Variants in NR3C2 observed in about 807,000 individuals in gnomAD.
NR3C2 encodes mineralocorticoid receptor.
A neutral mutation model predicts 86.4 loss-of-function variants in NR3C2; 15 were observed. The observed-to-expected ratio is 0.17, with a 90% confidence interval of 0.12 to 0.27. The LOEUF (loss-of-function observed/expected upper bound fraction) is 0.27. Among genes scored for constraint, NR3C2 ranks in the 10% least tolerant of loss-of-function variants. NR3C2 has a pLI of 1.00. For missense variants in NR3C2, 960 were observed against 1,195.6 expected (o/e 0.80, Z 2.91); for synonymous variants, 458 against 450.5 (o/e 1.02, Z -0.21).
intron 3 of NR3C2, among the ~76,000 whole-genome samples, chr4:148,238,452 T>C (rs1738851494): frequency 6.6e-6 from 1 of 151,990 alleles, no homozygotes; most frequent in Admixed American, 6.6e-5. Context: ...CTATCAAAAG[T>C]ACAAGAACAA....
chr4:148,309,355 G>T (rs550387432), intron 2 of NR3C2, among the ~76,000 whole-genome samples: 5 of 152,204 alleles, frequency 3.3e-5, no homozygotes, highest in African/African-American at 1.2e-4. Context: ...ACACAATTTT[G>T]CCCTTAAATA....
At chr4:148,185,176 A>G (rs1735835619) in intron 4 of NR3C2, among the ~76,000 whole-genome samples, 1 of 152,246 alleles carries the variant, frequency 6.6e-6, no homozygotes, top group South Asian at 2.1e-4. Flanking sequence ...TATGCTGATC[A>G]ATGCAATGTG....
intron 2 of NR3C2, among the ~76,000 whole-genome samples, chr4:148,428,347 G>A (rs1749648602): frequency 6.6e-6 from 1 of 152,172 alleles, no homozygotes; most frequent in Non-Finnish European, 1.5e-5. Context: ...CCAATGGAAA[G>A]ACTTTCTACC....
intron 4 of NR3C2, among the ~76,000 whole-genome samples, chr4:148,181,833 G>A (rs1244695347): frequency 6.6e-6 from 1 of 152,220 alleles, no homozygotes; most frequent in African/African-American, 2.4e-5. Flanking sequence ...AAAAAGAATA[G>A]TACTAGTGGC....
chr4:148,175,705 TTA>T (rs2149787470), intron 4 of NR3C2, among the ~76,000 whole-genome samples: 1 of 152,328 alleles, frequency 6.6e-6, no homozygotes, highest in South Asian at 2.1e-4. Flanking sequence ...GTAGTATATT[TTA>T]TGCCTTCCTA....
intron 3 of NR3C2, among the ~76,000 whole-genome samples, chr4:148,237,967 C>T (rs3846313): frequency 0.13 from 19,202 of 152,056 alleles, 1,471 homozygotes; most frequent in Middle Eastern, 0.24. Context: ...TTCTGATGAA[C>T]CCAAATGAGA....
At chr4:148,262,920 T>A (rs1237288406) in intron 2 of NR3C2, among the ~76,000 whole-genome samples, 1 of 152,106 alleles carries the variant, frequency 6.6e-6, no homozygotes, top group Non-Finnish European at 1.5e-5. Flanking sequence ...TTCTGATCAA[T>A]CTCCAAACAC....
intron 5 of NR3C2, among the ~76,000 whole-genome samples, chr4:148,153,078 T>G (rs111879379): frequency 1.3e-5 from 2 of 152,360 alleles, no homozygotes; most frequent in African/African-American, 4.8e-5. Flanking sequence ...TGGTGCCTCC[T>G]ATGGTCCAGG....
chr4:148,134,943 C>A (rs1269140959), intron 6 of NR3C2, among the ~76,000 whole-genome samples: 1 of 151,918 alleles, frequency 6.6e-6, no homozygotes, highest in Non-Finnish European at 1.5e-5. Context: ...CAGGCGTGAG[C>A]CACCATGCTC....
chr4:148,270,379 T>A (rs1740620460), intron 2 of NR3C2, among the ~76,000 whole-genome samples: 1 of 152,156 alleles, frequency 6.6e-6, no homozygotes, highest in African/African-American at 2.4e-5. Context: ...TTACACTAAG[T>A]TTTTCACAAA....
At chr4:148,426,491 G>A (rs1416393137) in intron 2 of NR3C2, among the ~76,000 whole-genome samples, 1 of 152,238 alleles carries the variant, frequency 6.6e-6, no homozygotes, top group African/African-American at 2.4e-5. Context: ...CATGCCCATA[G>A]TGGGTCAGAT....
At chr4:148,269,360 C>T (rs373107007) in intron 2 of NR3C2, among the ~76,000 whole-genome samples, 1 of 152,056 alleles carries the variant, frequency 6.6e-6, no homozygotes, top group Non-Finnish European at 1.5e-5. Flanking sequence ...ACCTTATCGA[C>T]GGTAGTTTTT....
At chr4:148,220,626 C>T (rs1002288477) in intron 3 of NR3C2, among the ~76,000 whole-genome samples, 4 of 152,012 alleles carry the variant, frequency 2.6e-5, no homozygotes, top group Admixed American at 6.5e-5. Context: ...GGCAACATAG[C>T]GAGACGCTGT....
intron 2 of NR3C2, among the ~76,000 whole-genome samples, chr4:148,361,261 A>G (rs538584324): frequency 1.3e-5 from 2 of 152,350 alleles, no homozygotes; most frequent in East Asian, 1.9e-4. Context: ...CCCAGAATCA[A>G]TTTAGACATA....
chr4:148,243,378 G>A (rs1334363072), intron 3 of NR3C2, among the ~76,000 whole-genome samples: 1 of 151,956 alleles, frequency 6.6e-6, no homozygotes, highest in Non-Finnish European at 1.5e-5. Context: ...TGATAAACAG[G>A]ATCTCCACAA....
Position 148,435,454 on chromosome 4 carries a change from T to A in NR3C2, c.1407A>T (p.Leu469=). Residue 469 remains leucine (L), a synonymous_variant, in exon 2 of 9, where the codon CTA becomes CTT. Transcript: ENST00000358102. ...SFMDDKDYYS[L]SGILGPPVPG... is the part of the protein sequence containing the mutation. ...GCACAGGTGGTCCTAAAATTCCTGA[T>A]AGGGAATAATAGTCTTTATCATCCA... 1 of 1,614,148 alleles carries A rather than the reference T, an allele frequency of 6.2e-7. No individual in the cohort carries two copies. Among genetic ancestry groups the A allele is most frequent in the East Asian group, 2.2e-5 (1 of 44,882 alleles).
intron 2 of NR3C2, among the ~76,000 whole-genome samples, chr4:148,374,567 C>G (rs1746580623): frequency 6.6e-6 from 1 of 152,142 alleles, no homozygotes; most frequent in African/African-American, 2.4e-5. Context: ...GAAAAAATAA[C>G]AATTGTTAAT....
intron 3 of NR3C2, among the ~76,000 whole-genome samples, chr4:148,213,212 A>G (rs1007233201): frequency 3.3e-5 from 5 of 152,078 alleles, no homozygotes; most frequent in Non-Finnish European, 7.4e-5. Context: ...CACAGCACAC[A>G]CAGTGCCTTC....
At chr4:148,260,354 T>A (rs565226369) in intron 2 of NR3C2, among the ~76,000 whole-genome samples, 9 of 152,172 alleles carry the variant, frequency 5.9e-5, no homozygotes, top group Non-Finnish European at 8.8e-5. Context: ...AATAATCAAA[T>A]GTAAATCTCT....
Sources: allele counts gnomAD v4.1 joint callset (sites outside exome capture counted in the v4.1 genomes callset), GRCh38; gene constraint gnomAD v4.1.1; transcripts MANE v1.5; gene names NCBI Gene and HGNC (gene_info 2026-07-23, HGNC 2026-07-21).